Variants in ZNF708 observed in about 807,000 individuals in gnomAD.
ZNF708 encodes ZNF15, ZNF15L1.
ZNF708 carries 44 observed loss-of-function variants against 47.0 expected under a neutral mutation model. That is an observed-to-expected ratio of 0.94 (90% CI 0.74 to 1.20). The LOEUF (loss-of-function observed/expected upper bound fraction) is 1.20. Among genes scored for constraint, ZNF708 ranks in the 50% most tolerant of loss-of-function variants. The probability of loss-of-function intolerance (pLI) is 0.00; values close to 1 mark genes in which losing one functional copy is unlikely to be tolerated. For synonymous variants in ZNF708, 184 were observed against 218.5 expected (o/e 0.84, Z 1.39); for missense variants, 557 against 656.0 (o/e 0.85, Z 1.65).
rs757257963 is a variant in ZNF708, at chr19:21,321,137, T to TA, written c.3+8072dup. 8.1e-5 allele frequency among the ~76,000 whole-genome samples: 12 copies of TA among 147,290 alleles called. No homozygotes were observed. In the East Asian group the frequency reaches 2.4e-3, roughly 29 times the overall value. On this transcript the variant is annotated intron_variant, in intron 1 of 3. Coordinates refer to ENST00000356929, the MANE Select transcript of ZNF708 (RefSeq NM_021269.3). ...GCCTGGGAGACAGTGAGACTCATCTTAAAAAAAAGAAAAGAAAAGAAAAGA... is the reference window on the plus strand; with the variant it reads ...GCCTGGGAGACAGTGAGACTCATCTTAAAAAAAAAGAAAAGAAAAGAAAAGA...
chr19:21,325,701 C>G (rs1387878895), intron 1 of ZNF708, among the ~76,000 whole-genome samples: 1 of 152,050 alleles, frequency 6.6e-6, no homozygotes, highest in Non-Finnish European at 1.5e-5. Flanking sequence ...GCAATAAAAA[C>G]AAAGATAAAT....
At chr19:21,329,111 T>G in intron 1 of ZNF708, 99 bp downstream of exon 1, 1 of 1,535,858 alleles carries the variant, frequency 6.5e-7, no homozygotes, top group Non-Finnish European at 9.0e-7. Flanking sequence ...GCGCAGATTG[T>G]GGAGATGACT....
Position 21,293,572 on chromosome 19 carries a change from T to C in ZNF708, c.1394A>G (p.Asn465Ser), listed in dbSNP as rs370722150. 5.0e-6 allele frequency: 8 copies of C among 1,612,960 alleles called. No individual in the cohort carries two copies. Among genetic ancestry groups the C allele is most frequent in the South Asian group, 1.1e-5 (1 of 90,956 alleles). Reference sequence around the variant, plus strand: ...CTCTCCAGTATGAATTTTTTTATGATTAGTAAAATTTGAGGAGTAGTTAAA... The same window carrying C: ...CTCTCCAGTATGAATTTTTTTATGACTAGTAAAATTTGAGGAGTAGTTAAA... Reference protein sequence around the residue: ...KTFNYSSNFTNHKKIHTGEKP... With the variant: ...KTFNYSSNFTSHKKIHTGEKP... The change falls in exon 4 of 4, where the codon AAT (asparagine) becomes AGT (serine). Residue 465 changes from asparagine (N) to serine (S), a missense_variant. Coordinates refer to ENST00000356929, the MANE Select transcript of ZNF708 (RefSeq NM_021269.3).
At chr19:21,308,677 ATAGGAT>A (rs1398486741) in intron 3 of ZNF708, among the ~76,000 whole-genome samples, 1 of 152,124 alleles carries the variant, frequency 6.6e-6, no homozygotes, top group East Asian at 1.9e-4. Flanking sequence ...TCCCAAAGTG[ATAGGAT>A]TACAGCTGTG....
intron 3 of ZNF708, chr19:21,307,007 ACATAAAACAT>A (rs1314090182): frequency 8.0e-5 from 12 of 149,528 alleles, no homozygotes; most frequent in South Asian, 4.2e-4. Flanking sequence ...ACATAACATA[ACATAAAACAT>A]AACATAACAT....
Position 21,298,978 on chromosome 19 carries a change from A to G in ZNF708, c.227-4239T>C, listed in dbSNP as rs113650218. Among the ~76,000 whole-genome samples, 988 of 152,340 alleles carry G rather than the reference A, an allele frequency of 6.5e-3. 18 individuals are homozygous for G. Among genetic ancestry groups the G allele is most frequent in the African/African-American group, 0.022 (911 of 41,574 alleles). On this transcript the variant is annotated intron_variant, in intron 3 of 3. Coordinates refer to ENST00000356929, the MANE Select transcript of ZNF708 (RefSeq NM_021269.3). ...CACAAAAAGACAGAGATTGTATGAT[A>G]TGTCTAACAGTTACACTCTGAAACA...
chr19:21,323,610 T>C (rs1362663151), intron 1 of ZNF708, among the ~76,000 whole-genome samples: 1 of 152,232 alleles, frequency 6.6e-6, no homozygotes, highest in Non-Finnish European at 1.5e-5. Flanking sequence ...AAAATTTTTA[T>C]GTAAATTCAA....
rs572890842 is a variant in ZNF708, at chr19:21,314,471, G to A, written c.4-3844C>T. On this transcript the variant is annotated intron_variant, in intron 1 of 3. Transcript: ENST00000356929. ...ATCCCTTCAAGTGATGACATCAGAA[G>A]CCACAACAATATAAATAAAGTGGCC... Among the ~76,000 whole-genome samples the A allele has an allele frequency of 2.5e-4, 38 of 152,200 alleles. No individual in the cohort carries two copies. The South Asian group carries it at 7.9e-3, about 32-fold the overall frequency.
chr19:21,316,144 T>TC (rs1973004103), intron 1 of ZNF708, among the ~76,000 whole-genome samples: 1 of 149,062 alleles, frequency 6.7e-6, no homozygotes, highest in South Asian at 2.1e-4. Flanking sequence ...TTTTTTTTTT[T>TC]TTTTTTGAGA....
At chr19:21,325,783 C>A (rs1568356612) in intron 1 of ZNF708, among the ~76,000 whole-genome samples, 1 of 152,134 alleles carries the variant, frequency 6.6e-6, no homozygotes, top group South Asian at 2.1e-4. Context: ...ACAGACAACA[C>A]ATAGAGTGAG....
At chr19:21,296,871 GCCTGTAATCCCA>G (rs1350070272) in intron 3 of ZNF708, among the ~76,000 whole-genome samples, 11 of 151,964 alleles carry the variant, frequency 7.2e-5, no homozygotes, top group African/African-American at 2.7e-4. Flanking sequence ...AGTGGCTCAT[GCCTGTAATCCCA>G]GCACTTTGGG....
At chr19:21,297,264 ATATATATTTTTT>A (rs1250517607) in intron 3 of ZNF708, among the ~76,000 whole-genome samples, 16 of 14,010 alleles carry the variant, frequency 1.1e-3, no homozygotes, top group Non-Finnish European at 1.4e-3. Context: ...ATATATATAT[ATATATATTTTTT>A]TTTTTTTTTT....
intron 1 of ZNF708, among the ~76,000 whole-genome samples, chr19:21,324,142 G>A (rs1321318244): frequency 2.6e-5 from 4 of 152,160 alleles, no homozygotes; most frequent in Non-Finnish European, 5.9e-5. Flanking sequence ...TACTGGGTAG[G>A]CTGAGGCAGG....
chr19:21,309,375 C>T (rs1413024061), intron 2 of ZNF708, 34 bp from the exon 3 acceptor site: 4 of 1,519,532 alleles, frequency 2.6e-6, no homozygotes, highest in African/African-American at 1.4e-5. Flanking sequence ...GTGAATCTTG[C>T]TCATATTCTC....
chr19:21,317,860 G>C (rs1973046827), intron 1 of ZNF708, among the ~76,000 whole-genome samples: 1 of 152,230 alleles, frequency 6.6e-6, no homozygotes, highest in African/African-American at 2.4e-5. Flanking sequence ...ACAGGAGGTA[G>C]TTTTGCAACT....
intron 1 of ZNF708, chr19:21,318,011 G>C (rs2997218): frequency 7.9e-5 from 12 of 152,222 alleles, no homozygotes; most frequent in African/African-American, 2.6e-4. Flanking sequence ...CCTGCTTGCC[G>C]TCTACTTATG....
chr19:21,307,285 C>T (rs926419431), intron 3 of ZNF708, among the ~76,000 whole-genome samples: 9 of 151,888 alleles, frequency 5.9e-5, no homozygotes, highest in Admixed American at 3.9e-4. Flanking sequence ...AAGCTACTAC[C>T]CCTCTCCACA....
chr19:21,313,413 G>A (rs1568352201), intron 1 of ZNF708, among the ~76,000 whole-genome samples: 1 of 151,918 alleles, frequency 6.6e-6, no homozygotes, highest in Non-Finnish European at 1.5e-5. Context: ...TTTAGATAAA[G>A]AGCCCAGCAT....
intron 3 of ZNF708, among the ~76,000 whole-genome samples, chr19:21,307,571 G>A (rs922234173): frequency 6.6e-6 from 1 of 151,864 alleles, no homozygotes; most frequent in East Asian, 1.9e-4. Context: ...GCAGTGAGCC[G>A]AGATCACATG....
Sources: allele counts gnomAD v4.1 joint callset (sites outside exome capture counted in the v4.1 genomes callset), GRCh38; gene constraint gnomAD v4.1.1; transcripts MANE v1.5; gene names NCBI Gene and HGNC (gene_info 2026-07-23, HGNC 2026-07-21).